CFAP299: variants seen among roughly 807,000 people sequenced by gnomAD.
CFAP299 encodes cilia- and flagella-associated protein 299.
CFAP299 carries 21 observed loss-of-function variants against 27.0 expected under a neutral mutation model. The ratio of observed to expected loss-of-function variants is 0.78; its 90% CI spans 0.55 to 1.12. CFAP299 has a LOEUF of 1.12. Among genes scored for constraint, CFAP299 ranks in the 50% most tolerant of loss-of-function variants. CFAP299 has a pLI of 0.00. For missense variants in CFAP299, 310 were observed against 276.6 expected, an observed-to-expected ratio of 1.12 and a Z score of -0.86; for synonymous variants, 104 against 98.1, an observed-to-expected ratio of 1.06 and a Z score of -0.36.
At chr4:80,664,542 G>T (rs763575282) in intron 3 of CFAP299, among the ~76,000 whole-genome samples, 1 of 152,088 alleles carries the variant, frequency 6.6e-6, no homozygotes, top group Non-Finnish European at 1.5e-5. Flanking sequence ...GTGGAAAACT[G>T]CCTACTCAAG....
Position 80,480,875 on chromosome 4 carries a change from T to G in CFAP299, c.243-102218T>G, listed in dbSNP as rs530551583. Among the ~76,000 whole-genome samples the G allele has an allele frequency of 1.2e-4, 18 of 152,186 alleles. No individual in the cohort carries two copies. In the South Asian group the frequency reaches 2.5e-3, roughly 21 times the overall value. ...TGCCCATAAAATATTTTTAAAATTA[T>G]TCTGTATTAATTTAGCTCATATATT... On this transcript the variant is annotated intron_variant, in intron 2 of 5. Transcript: ENST00000358105.
chr4:80,746,269 T>A (rs1196390120), intron 3 of CFAP299, among the ~76,000 whole-genome samples: 2 of 152,042 alleles, frequency 1.3e-5, no homozygotes, highest in Non-Finnish European at 2.9e-5. Context: ...GCATGCTATG[T>A]TCCTGATACC....
At chr4:80,331,074 G>C (rs1721923338), upstream of CFAP299, among the ~76,000 whole-genome samples, 1 of 152,136 alleles carries the variant, frequency 6.6e-6, no homozygotes, top group Non-Finnish European at 1.5e-5. Flanking sequence ...ACTATATCTT[G>C]ATCTCTATAC....
At position 80,604,499 on chromosome 4, in the gene CFAP299, A is replaced by G. The variant is rs147481619; in HGVS notation, c.333+21316A>G. On this transcript the variant is annotated intron_variant, in intron 3 of 5. Coordinates refer to ENST00000358105, the MANE Select transcript of CFAP299 (RefSeq NM_152770.3). The stretch of plus-strand genomic sequence containing the variant: ...TGACACAAGCTGACAATTGAAACTC[A>G]AGAGGTATCTTCACCTAGCTTTCAA... Among the ~76,000 whole-genome samples, 772 of 152,292 alleles carry G rather than the reference A, an allele frequency of 5.1e-3. 5 individuals are homozygous for G. The highest frequency in any genetic ancestry group is 0.02 in the Middle Eastern group (6 of 294).
intron 1 of CFAP299, among the ~76,000 whole-genome samples, chr4:80,338,212 G>A (rs185378716): frequency 1.2e-4 from 18 of 152,230 alleles, no homozygotes; most frequent in African/African-American, 3.6e-4. Flanking sequence ...TATACAACAT[G>A]ATGTTTTAAA....
chr4:80,926,927 A>G (rs938083063), intron 4 of CFAP299, among the ~76,000 whole-genome samples: 10 of 152,036 alleles, frequency 6.6e-5, no homozygotes, highest in African/African-American at 2.4e-4. Flanking sequence ...AGCTGTACTT[A>G]TTTCACCTGA....
At chr4:80,893,139 T>A (rs1486792717) in intron 4 of CFAP299, among the ~76,000 whole-genome samples, 4 of 151,282 alleles carry the variant, frequency 2.6e-5, no homozygotes, top group African/African-American at 9.7e-5. Flanking sequence ...TATAGTAGCA[T>A]CAAAAATAAA....
intron 3 of CFAP299, among the ~76,000 whole-genome samples, chr4:80,715,273 G>T (rs1722413305): frequency 6.6e-6 from 1 of 152,052 alleles, no homozygotes; most frequent in African/African-American, 2.4e-5. Flanking sequence ...ACATAGTAAA[G>T]AAATACAAAG....
chr4:80,734,337 G>A (rs1404693426), intron 3 of CFAP299, among the ~76,000 whole-genome samples: 7 of 152,036 alleles, frequency 4.6e-5, no homozygotes, highest in Non-Finnish European at 1.5e-5. Flanking sequence ...CTATAGAGTT[G>A]TTTGAGCTCC....
intron 3 of CFAP299, among the ~76,000 whole-genome samples, chr4:80,646,988 A>AGT (rs1187314742): frequency 0.026 from 803 of 31,104 alleles, 8 homozygotes; most frequent in Non-Finnish European, 0.027. Context: ...AGAGAGAGAG[A>AGT]GTGTGTGTGT....
At chr4:80,795,009 G>A (rs1727771903) in intron 3 of CFAP299, among the ~76,000 whole-genome samples, 1 of 152,014 alleles carries the variant, frequency 6.6e-6, no homozygotes, top group African/African-American at 2.4e-5. Context: ...TGCCACCATG[G>A]CCACTTTGTT....
At chr4:80,856,737 G>A (rs1011715914) in intron 3 of CFAP299, among the ~76,000 whole-genome samples, 3 of 152,106 alleles carry the variant, frequency 2.0e-5, no homozygotes, top group East Asian at 1.9e-4. Context: ...TATTTCTGAG[G>A]GCTCTGTTCT....
At chr4:80,824,838 C>T (rs1729897603) in intron 3 of CFAP299, among the ~76,000 whole-genome samples, 1 of 151,954 alleles carries the variant, frequency 6.6e-6, no homozygotes, top group South Asian at 2.1e-4. Flanking sequence ...TCATTAGTTT[C>T]AAATATCCAG....
intron 3 of CFAP299, among the ~76,000 whole-genome samples, chr4:80,757,537 T>C (rs1479282762): frequency 1.3e-5 from 2 of 152,214 alleles, no homozygotes; most frequent in Non-Finnish European, 2.9e-5. Flanking sequence ...GTCTTACTAA[T>C]GTCAAGACAA....
rs77573587 is a variant in CFAP299 at position 80,642,003 on chromosome 4, A to G, written c.333+58820A>G. On this transcript the variant is annotated intron_variant, in intron 3 of 5. Coordinates refer to ENST00000358105, the MANE Select transcript of CFAP299 (RefSeq NM_152770.3). ...GGGAAAAGGAATGTTTCTGTTTCAC[A>G]GATATTTAGGAGTCACCGTATGAAG... Among the ~76,000 whole-genome samples, 4 of 152,204 alleles carry G rather than the reference A, an allele frequency of 2.6e-5. No individual in the cohort carries two copies. The South Asian group carries it at 6.2e-4, about 24-fold the overall frequency.
chr4:80,557,429 GT>G (rs1008999245), intron 2 of CFAP299, among the ~76,000 whole-genome samples: 60 of 152,188 alleles, frequency 3.9e-4, no homozygotes, highest in African/African-American at 1.4e-3. Context: ...TCAAAGACCT[GT>G]AACTTAACAG....
intron 2 of CFAP299, among the ~76,000 whole-genome samples, chr4:80,504,088 T>C (rs998336714): frequency 2.0e-5 from 3 of 152,046 alleles, no homozygotes; most frequent in Non-Finnish European, 4.4e-5. Context: ...AAAAGGGTGG[T>C]ATATGGCATG....
chr4:80,673,986 C>T (rs1178958787), intron 3 of CFAP299, among the ~76,000 whole-genome samples: 2 of 151,944 alleles, frequency 1.3e-5, no homozygotes, highest in Non-Finnish European at 2.9e-5. Flanking sequence ...ATTTGCCAGT[C>T]TGTGTCTTTT....
At chr4:80,583,240 T>A in intron 3 of CFAP299, 57 bp downstream of exon 3, 1 of 951,332 alleles carries the variant, frequency 1.1e-6, no homozygotes, top group Admixed American at 2.3e-5. Flanking sequence ...CAATTAATAT[T>A]AAAAAATGTA....
Sources: allele counts gnomAD v4.1 joint callset (sites outside exome capture counted in the v4.1 genomes callset), GRCh38; gene constraint gnomAD v4.1.1; transcripts MANE v1.5; gene names NCBI Gene and HGNC (gene_info 2026-07-23, HGNC 2026-07-21).